The following WDR36 variants were observed in gnomAD, a reference collection of about 807,000 sequenced individuals.
The protein encoded by WDR36 is WD repeat domain 36, also known as WD repeat-containing protein 36.
Under a neutral mutation model 112.7 loss-of-function variants are expected in WDR36, and 63 were observed. The ratio of observed to expected loss-of-function variants is 0.56; its 90% CI spans 0.46 to 0.69. WDR36 has a LOEUF of 0.69. WDR36 is among the 30% of genes least tolerant of loss of function. WDR36 has a pLI of 0.00. For synonymous variants in WDR36, 410 were observed against 362.2 expected (o/e 1.13, Z -1.50); for missense variants, 1,226 against 1,070.3 (o/e 1.15, Z -2.03).
At chr5:111,096,101 G>A (rs764288565) in intron 2 of WDR36, among the ~76,000 whole-genome samples, 1 of 152,180 alleles carries the variant, frequency 6.6e-6, no homozygotes, top group Non-Finnish European at 1.5e-5. Flanking sequence ...TATGGAATTT[G>A]CAGCATGAAA....
In WDR36 at chr5:111,092,348, G is replaced by C. The variant is rs760274851; in HGVS notation, c.-109G>C. 1.2e-6 allele frequency: 2 copies of C among 1,614,238 alleles called. No individual in the cohort carries two copies. The highest frequency in any genetic ancestry group is 4.5e-5 in the East Asian group (2 of 44,874). On this transcript the variant is annotated 5_prime_UTR_variant, in exon 1 of 23. Coordinates refer to ENST00000513710, the MANE Select transcript of WDR36 (RefSeq NM_139281.3). ...ATTCGCAGCGGGCGCCGGAAGCGGTGTTGTGTCTGCAGCTCTGGCAGAGGA... is the reference window on the plus strand; with the variant it reads ...ATTCGCAGCGGGCGCCGGAAGCGGTCTTGTGTCTGCAGCTCTGGCAGAGGA...
intron 16 of WDR36, among the ~76,000 whole-genome samples, chr5:111,118,136 C>A (rs1446485347): frequency 6.6e-6 from 1 of 152,180 alleles, no homozygotes; most frequent in African/African-American, 2.4e-5. Flanking sequence ...AACACAAACT[C>A]AGGTGTTTGA....
At chr5:111,119,918 A>G (rs1439522784) in intron 17 of WDR36, among the ~76,000 whole-genome samples, 2 of 152,098 alleles carry the variant, frequency 1.3e-5, no homozygotes, top group Non-Finnish European at 2.9e-5. Context: ...TACTGCTATT[A>G]ATAACTTGAA....
chr5:111,095,059 A>G lies in WDR36; in HGVS notation c.190+112A>G, dbSNP rs1752946925. 4.9e-5 allele frequency: 46 copies of G among 943,094 alleles called. 2 individuals are homozygous for G. In the South Asian group the frequency reaches 6.7e-4, roughly 14 times the overall value. 58.4% of individuals were successfully genotyped at this position (943,094 alleles called of 1,614,324 possible). On this transcript the variant is annotated intron_variant, in intron 2 of 22. Transcript: ENST00000513710. ...GAAGCCAAGGTAACATGTATGTCTT[A>G]TAAACTTACATTATCAGCAACAAAA...
chr5:111,100,855 C>A, intron 5 of WDR36, 134 bp downstream of exon 5: 2 of 823,932 alleles, frequency 2.4e-6, no homozygotes, highest in South Asian at 2.2e-5. Flanking sequence ...AACAGTTGGT[C>A]CCCTGTATCA....
chr5:111,097,590 C>T (rs1452128159), intron 3 of WDR36, among the ~76,000 whole-genome samples: 2 of 152,184 alleles, frequency 1.3e-5, no homozygotes, highest in Non-Finnish European at 2.9e-5. Context: ...TATAACTTAG[C>T]TTATAACTCT....
chr5:111,125,848 C>T, intron 22 of WDR36, 53 bp downstream of exon 22: 3 of 1,598,898 alleles, frequency 1.9e-6, no homozygotes, highest in Non-Finnish European at 2.6e-6. Context: ...TGGGGCAGTG[C>T]TATCTAACAG....
chr5:111,128,977 G>A lies in WDR36; in HGVS notation c.*2094G>A, dbSNP rs151283847. 2 of 193,712 alleles carry A rather than the reference G, an allele frequency of 1.0e-5. No homozygotes were observed. Among genetic ancestry groups the A allele is most frequent in the East Asian group, 8.2e-5 (1 of 12,256 alleles). The allele number at this position is 193,712 out of a possible 1,614,324, so 12.0% of individuals were successfully genotyped here. A position where few individuals can be genotyped will look rare whatever the true frequency, so the allele number is the denominator to read the frequency against. On this transcript the variant is annotated 3_prime_UTR_variant, in exon 23 of 23. Transcript: ENST00000513710. ...TTTTATGAGTGTTTAATGTAGGAAT[G>A]TGTATATATTATCTACAGCCACAGG...
rs371460556 is a variant in WDR36, at chr5:111,119,079, T to C, written c.1863T>C (p.Phe621=). 5.5e-5 allele frequency: 88 copies of C among 1,613,554 alleles called. No individual in the cohort carries two copies. The highest frequency in any genetic ancestry group is 7.0e-5 in the Non-Finnish European group (83 of 1,179,634). ...TTTCTATGTCTCCTACTGGAGACTT[T>C]CTGGCAACTTCCCATGTGGACCACC... ...LNVSMSPTGD[F]LATSHVDHLG... is the part of the protein sequence containing the mutation. The change falls in exon 17 of 23, where the codon TTT becomes TTC. Residue 621 remains phenylalanine, a synonymous_variant. Coordinates refer to ENST00000513710, the MANE Select transcript of WDR36 (RefSeq NM_139281.3).
At chr5:111,107,149 T>G in intron 11 of WDR36, 145 bp from the exon 12 acceptor site, 1 of 917,526 alleles carries the variant, frequency 1.1e-6, no homozygotes, top group Non-Finnish European at 1.6e-6. Flanking sequence ...TAATCTCTTG[T>G]TAGATTGGAA....
intron 5 of WDR36, 59 bp downstream of exon 5, chr5:111,100,780 T>C: frequency 5.9e-6 from 9 of 1,517,100 alleles, no homozygotes; most frequent in Non-Finnish European, 8.2e-6. Flanking sequence ...TACTACTTCC[T>C]AATGTATACT....
Position 111,110,779 on chromosome 5 carries a change from AC to A in WDR36, c.1442-7del, listed in dbSNP as rs1271677047. On this transcript the variant is annotated splice_region_variant and splice_polypyrimidine_tract_variant and intron_variant, in intron 13 of 22. Coordinates refer to ENST00000513710, the MANE Select transcript of WDR36 (RefSeq NM_139281.3). ...TGATTTTTTTTTTCTTTTGACATCT[AC>A]CTTACAGCTCACAAGGGATCTGTTA... is the stretch of plus-strand genomic sequence containing the variant. The A allele has an allele frequency of 1.9e-6, 3 of 1,609,234 alleles. No homozygotes were observed. Among genetic ancestry groups the A allele is most frequent in the Non-Finnish European group, 2.5e-6 (3 of 1,177,092 alleles).
At chr5:111,112,152 G>A (rs1391681845) in intron 15 of WDR36, among the ~76,000 whole-genome samples, 2 of 151,732 alleles carry the variant, frequency 1.3e-5, no homozygotes, top group African/African-American at 2.4e-5. Flanking sequence ...TAATTGTGCT[G>A]AAATGGCACT....
At position 111,130,464 on chromosome 5, in the gene WDR36, CAT is replaced by C. The variant is rs150659473; in HGVS notation, c.*3592_*3593del. On this transcript the variant is annotated 3_prime_UTR_variant, in exon 23 of 23. Transcript: ENST00000513710. ...GAGAGCTTTTGGTTTCATAGATTTT[CAT>C]ATATATATATGATATAATAAACACT... 3.4e-5 allele frequency: 6 copies of C among 174,944 alleles called. No individual in the cohort carries two copies. The highest frequency in any genetic ancestry group is 3.7e-5 in the Non-Finnish European group (3 of 81,026). The allele number at this position is 174,944 out of a possible 1,614,324, so 10.8% of individuals were successfully genotyped here.
chr5:111,113,134 T>C lies in WDR36; in HGVS notation c.1777T>C (p.Trp593Arg). ...TGCGATGGATTGCTCTATTAGGACTTGGGACCTTCCTTCTGGGTGGTAAGT... is the reference window on the plus strand; with the variant it reads ...TGCGATGGATTGCTCTATTAGGACTCGGGACCTTCCTTCTGGGTGGTAAGT... ...SAAMDCSIRT[W>R]DLPSGCLIDC... is the part of the protein sequence containing the mutation. The change falls in exon 16 of 23, where the codon TGG becomes CGG. Residue 593 changes from tryptophan (W) to arginine (R), a missense_variant. Trp to Arg is a moderately radical substitution (Grantham distance 101, BLOSUM62 -3). Transcript: ENST00000513710. The C allele has an allele frequency of 6.3e-7, 1 of 1,590,848 alleles. No homozygotes were observed. The highest frequency in any genetic ancestry group is 8.6e-7 in the Non-Finnish European group (1 of 1,165,354).
intron 1 of WDR36, among the ~76,000 whole-genome samples, chr5:111,094,223 C>T (rs1752929834): frequency 6.6e-6 from 1 of 152,134 alleles, no homozygotes; most frequent in Non-Finnish European, 1.5e-5. Flanking sequence ...ATGTATTGAG[C>T]AGTTACTATA....
Position 111,100,708 on chromosome 5 carries a change from A to C in WDR36, c.529A>C (p.Asn177His). Residue 177 changes from asparagine to histidine, a missense_variant, in exon 5 of 23, where the codon AAT (asparagine) becomes CAT (histidine). Asn to His is a moderately conservative substitution (Grantham distance 68). Coordinates refer to ENST00000513710, the MANE Select transcript of WDR36 (RefSeq NM_139281.3). ...TGAACAAGGAAGCCTGCAGTTGTGG[A>C]ATGTAAAATCCAAGTAAGTATTTTA... ...GSEQGSLQLWNVKSNKLLYTF... is the reference protein window; with the variant it reads ...GSEQGSLQLWHVKSNKLLYTF... 6.2e-7 allele frequency: 1 copy of C among 1,608,860 alleles called. No homozygotes were observed. Among genetic ancestry groups the C allele is most frequent in the Non-Finnish European group, 8.5e-7 (1 of 1,176,614 alleles).
Position 111,092,367 on chromosome 5 carries a change from CA to C in WDR36, c.-89del. On this transcript the variant is annotated 5_prime_UTR_variant, in exon 1 of 23. Transcript: ENST00000513710. ...AGCGGTGTTGTGTCTGCAGCTCTGG[CA>C]GAGGACTGTTCCACTAGACACGCTG... is the stretch of plus-strand genomic sequence containing the variant. 2 of 1,614,228 alleles carry C rather than the reference CA, an allele frequency of 1.2e-6. No homozygotes were observed. Among genetic ancestry groups the C allele is most frequent in the Non-Finnish European group, 1.7e-6 (2 of 1,180,036 alleles).
intron 16 of WDR36, among the ~76,000 whole-genome samples, chr5:111,115,390 C>T (rs1412635565): frequency 6.6e-6 from 1 of 152,036 alleles, no homozygotes; most frequent in East Asian, 1.9e-4. Context: ...GGTACTATTA[C>T]TGTTATTAGT....
Sources: gnomAD v4.1 joint callset for allele counts (sites outside exome capture counted in the v4.1 genomes callset) on GRCh38, gnomAD v4.1.1 for gene constraint, MANE v1.5 for transcripts, NCBI Gene and HGNC (gene_info 2026-07-23, HGNC 2026-07-21) for gene names.